The following ZNF487 variants were observed in gnomAD, a reference collection of about 807,000 sequenced individuals.
ZNF487 encodes the protein zinc finger protein 487, also known as KRAB domain only 1.
Under a neutral mutation model 3.0 loss-of-function variants are expected in ZNF487, and 4 were observed. The ratio of observed to expected loss-of-function variants is 1.35; its 90% confidence interval spans 0.66 to 3.08. The LOEUF (loss-of-function observed/expected upper bound fraction) is 3.08, where lower values mean the gene tolerates loss of function less well. Ranked by LOEUF, ZNF487 falls within the 30% of genes most tolerant of loss-of-function variation. The pLI, the probability that ZNF487 is intolerant of heterozygous loss-of-function variation, is 0.01. For synonymous variants in ZNF487, 55 were observed against 34.6 expected (o/e 1.59, Z -2.06); for missense variants, 146 against 98.7 (o/e 1.48, Z -2.03).
At chr10:43,494,901 C>T in the ZNF487 span, among the ~76,000 whole-genome samples, 2 of 145,944 alleles carry the variant, frequency 1.4e-5, no homozygotes, top group African/African-American at 5.1e-5. Context: ...CACACCACTG[C>T]ACTCCAGCCT....
chr10:43,480,459 A>G (rs958244442), intron 3 of ZNF487, among the ~76,000 whole-genome samples: 1 of 151,642 alleles, frequency 6.6e-6, no homozygotes, highest in Non-Finnish European at 1.5e-5. Flanking sequence ...TCTGTCACCC[A>G]GGCTGGAATG....
At chr10:43,522,091 A>G in the ZNF487 span, among the ~76,000 whole-genome samples, 1 of 152,226 alleles carries the variant, frequency 6.6e-6, no homozygotes, top group East Asian at 1.9e-4. Flanking sequence ...GCCTACATGT[A>G]TGCTTTCTCT....
At chr10:43,460,796 G>A (rs1462828081) in intron 1 of ZNF487, among the ~76,000 whole-genome samples, 3 of 151,488 alleles carry the variant, frequency 2.0e-5, no homozygotes, top group African/African-American at 4.9e-5. Context: ...GAGTTCAAGC[G>A]ATTCTTGTGC....
chr10:43,482,248 A>G lies in ZNF487; in HGVS notation c.*326A>G, dbSNP rs1297348016. 6 of 411,122 alleles carry G rather than the reference A, an allele frequency of 1.5e-5. No individual in the cohort carries two copies. Among genetic ancestry groups the G allele is most frequent in the Non-Finnish European group, 1.8e-5 (4 of 218,620 alleles). The allele number at this position is 411,122 out of a possible 1,614,324, so 25.5% of individuals were successfully genotyped here. Reference sequence around the variant, plus strand: ...CACATATAGGAAAGAATGCCTATAAAATTAATCAGTATGCTAGTACATTTT... The same window carrying G: ...CACATATAGGAAAGAATGCCTATAAGATTAATCAGTATGCTAGTACATTTT... On this transcript the variant is annotated 3_prime_UTR_variant, in exon 4 of 4. Coordinates refer to ENST00000437590, the MANE Select transcript of ZNF487 (RefSeq NM_001355444.3).
At position 43,446,631 on chromosome 10, in the gene ZNF487, C is replaced by T. The variant is rs192501646; in HGVS notation, c.-94+9369C>T. Among the ~76,000 whole-genome samples the T allele has an allele frequency of 8.0e-3, 1,193 of 148,200 alleles. 27 individuals are homozygous for T. The highest frequency in any genetic ancestry group is 0.041 in the Admixed American group (614 of 14,862). On this transcript the variant is annotated intron_variant, in intron 1 of 3. Coordinates refer to ENST00000437590, the MANE Select transcript of ZNF487 (RefSeq NM_001355444.3). ...GCAGGGGCGCTCCCCACATCCTAGA[C>T]GATGGGCGCCCGGGCAGAGACGCTC...
chr10:43,458,799 T>A (rs1441858058), intron 1 of ZNF487, among the ~76,000 whole-genome samples: 1 of 151,926 alleles, frequency 6.6e-6, no homozygotes, highest in African/African-American at 2.4e-5. Flanking sequence ...TGGAGGCACC[T>A]TGGTCCCATA....
chr10:43,467,172 G>A (rs924857936), intron 1 of ZNF487, among the ~76,000 whole-genome samples: 4 of 151,754 alleles, frequency 2.6e-5, no homozygotes, highest in African/African-American at 9.7e-5. Context: ...GCCGCACCCG[G>A]CCAAGGAGTA....
At chr10:43,465,163 C>CGGAAGG (rs1411940321) in intron 1 of ZNF487, among the ~76,000 whole-genome samples, 1 of 121,234 alleles carries the variant, frequency 8.2e-6, no homozygotes, top group East Asian at 3.6e-4. Flanking sequence ...ACCTCCCTCC[C>CGGAAGG]GGAAGGGGCG....
chr10:43,444,112 CA>C (rs1465378463), intron 1 of ZNF487, among the ~76,000 whole-genome samples: 1 of 152,070 alleles, frequency 6.6e-6, no homozygotes, highest in Non-Finnish European at 1.5e-5. Context: ...CTCGGCCTCC[CA>C]AAGTGCTGAG....
In ZNF487 at chr10:43,476,112, T is replaced by C. The variant is rs1744395076; in HGVS notation, c.40T>C (p.Cys14Arg). The change falls in exon 3 of 4, where the codon TGC (cysteine) becomes CGC (arginine). Residue 14 changes from cysteine to arginine, a missense_variant. Cys to Arg is a radical substitution (Grantham distance 180). Coordinates refer to ENST00000437590, the MANE Select transcript of ZNF487 (RefSeq NM_001355444.3). ...TGTGTCATTTTCATTCACAGGATAT[T>C]GCATTACCAAACCAGAGGTGGTTTG... ...NYSLLLSVGY[C>R]ITKPEVVCKL... The C allele has an allele frequency of 1.4e-6, 1 of 717,442 alleles. No homozygotes were observed. The highest frequency in any genetic ancestry group is 1.5e-5 in the South Asian group (1 of 67,596). 44.4% of individuals were successfully genotyped at this position (717,442 alleles called of 1,614,324 possible).
chr10:43,520,807 G>T, the ZNF487 span, among the ~76,000 whole-genome samples: 2 of 152,194 alleles, frequency 1.3e-5, no homozygotes, highest in Non-Finnish European at 2.9e-5. Flanking sequence ...GCAGGTCTGT[G>T]GTTGGGGATG....
chr10:43,482,811 CA>C lies in ZNF487; in HGVS notation c.*890del, dbSNP rs1261934636. Reference sequence around the variant, plus strand: ...AAAACTTAGAGAACATCAGAGAATTCACACAGGGGAGAAACCCTATGAATGT... The same window carrying C: ...AAAACTTAGAGAACATCAGAGAATTCCACAGGGGAGAAACCCTATGAATGT... On this transcript the variant is annotated 3_prime_UTR_variant, in exon 4 of 4. Transcript: ENST00000437590. 1 of 513,614 alleles carries C rather than the reference CA, an allele frequency of 1.9e-6. No homozygotes were observed. Among genetic ancestry groups the C allele is most frequent in the Non-Finnish European group, 4.0e-6 (1 of 250,994 alleles). The allele number at this position is 513,614 out of a possible 1,614,324, so 31.8% of individuals were successfully genotyped here. A position where few individuals can be genotyped will look rare whatever the true frequency, so the allele number is the denominator to read the frequency against.
intron 3 of ZNF487, among the ~76,000 whole-genome samples, chr10:43,476,939 A>G (rs998116836): frequency 1.3e-4 from 20 of 152,198 alleles, no homozygotes; most frequent in African/African-American, 4.8e-4. Flanking sequence ...CATGATCTCA[A>G]AGGTTTTATG....
At chr10:43,514,848 T>C in the ZNF487 span, among the ~76,000 whole-genome samples, 2 of 152,222 alleles carry the variant, frequency 1.3e-5, no homozygotes, top group African/African-American at 2.4e-5. Context: ...GTCAAGGGTA[T>C]ATCTTCTGGG....
intron 1 of ZNF487, among the ~76,000 whole-genome samples, chr10:43,471,969 C>T (rs1840924072): frequency 6.6e-6 from 1 of 152,192 alleles, no homozygotes. Flanking sequence ...AGTCCTCAGT[C>T]TGGTCCAAGG....
chr10:43,507,269 C>A, the ZNF487 span, among the ~76,000 whole-genome samples: 91 of 152,300 alleles, frequency 6.0e-4, no homozygotes, highest in African/African-American at 2.0e-3. Context: ...CCTGGGGGAG[C>A]TATACAGATG....
At chr10:43,510,111 AATG>A in the ZNF487 span, among the ~76,000 whole-genome samples, 1 of 152,198 alleles carries the variant, frequency 6.6e-6, no homozygotes, top group Admixed American at 6.5e-5. Context: ...AAGGAAATAA[AATG>A]AAGATTTTTT....
In ZNF487 at chr10:43,465,613, C is replaced by T. The variant is rs563550895; in HGVS notation, c.-93-10108C>T. Among the ~76,000 whole-genome samples, 21 of 152,146 alleles carry T rather than the reference C, an allele frequency of 1.4e-4. No homozygotes were observed. In the East Asian group the frequency reaches 4.1e-3, roughly 30 times the overall value. ...TGGGCGGCCGGGCAGAGACGCTCCT[C>T]ACTTCCTAGATGGGATGGCAGCCGG... On this transcript the variant is annotated intron_variant, in intron 1 of 3. Transcript: ENST00000437590.
Position 43,482,520 on chromosome 10 carries a change from T to A in ZNF487, c.*598T>A, listed in dbSNP as rs1841401754. ...TGAATGTAATGAATGTGGAAAAAAC[T>A]TCTGTGAGAAGTCAAATCTTCATGT... On this transcript the variant is annotated 3_prime_UTR_variant, in exon 4 of 4. Transcript: ENST00000437590. 1 of 487,538 alleles carries A rather than the reference T, an allele frequency of 2.1e-6. No individual in the cohort carries two copies. The highest frequency in any genetic ancestry group is 4.2e-6 in the Non-Finnish European group (1 of 238,610). 30.2% of individuals were successfully genotyped at this position (487,538 alleles called of 1,614,324 possible).
Sources: allele counts gnomAD v4.1 joint callset (sites outside exome capture counted in the v4.1 genomes callset), GRCh38; gene constraint gnomAD v4.1.1; transcripts MANE v1.5; gene names NCBI Gene and HGNC (gene_info 2026-07-23, HGNC 2026-07-21).